The following UBE2L3 variants were observed in gnomAD, a reference collection of about 807,000 sequenced individuals.
UBE2L3 encodes the protein ubiquitin-conjugating enzyme E2 L3.
UBE2L3 carries 1 observed loss-of-function variant against 17.8 expected under a neutral mutation model. That is an observed-to-expected ratio of 0.06 (90% CI 0.02 to 0.27). The LOEUF (loss-of-function observed/expected upper bound fraction) is 0.27. Ranked by LOEUF, UBE2L3 falls within the 10% of genes least tolerant of loss-of-function variation. The pLI is 1.00. For synonymous variants in UBE2L3, 44 were observed against 68.5 expected (o/e 0.64, Z 1.76); for missense variants, 40 against 192.6 (o/e 0.21, Z 4.69).
At chr22:21,615,427 C>T (rs1000724505) in intron 3 of UBE2L3, among the ~76,000 whole-genome samples, 5 of 151,492 alleles carry the variant, frequency 3.3e-5, no homozygotes, top group African/African-American at 1.2e-4. Flanking sequence ...TGGTGGCAGG[C>T]GCCTGTAGTC....
Position 21,621,569 on chromosome 22 carries a change from G to A in UBE2L3, c.365G>A (p.Arg122Gln). The A allele has an allele frequency of 1.2e-6, 2 of 1,611,806 alleles. No individual in the cohort carries two copies. Among genetic ancestry groups the A allele is most frequent in the Non-Finnish European group, 8.5e-7 (1 of 1,179,804 alleles). ...GACCCCCAGCCTGAGCACCCGCTTCGGGCTGACCTAGCTGAAGAATACTCT... is the reference window on the plus strand; with the variant it reads ...GACCCCCAGCCTGAGCACCCGCTTCAGGCTGACCTAGCTGAAGAATACTCT... ...VNDPQPEHPL[R>Q]ADLAEEYSKD... The change falls in exon 4 of 4, where the codon CGG becomes CAG. Residue 122 changes from arginine (R) to glutamine (Q), a missense_variant. Physicochemically the swap from Arg to Gln is conservative, Grantham distance 43. Transcript: ENST00000342192.
intron 2 of UBE2L3, among the ~76,000 whole-genome samples, chr22:21,605,471 C>T (rs1231637998): frequency 6.6e-6 from 1 of 152,054 alleles, no homozygotes; most frequent in Non-Finnish European, 1.5e-5. Flanking sequence ...CCTGCCTCGG[C>T]CTTTTTTTAG....
chr22:21,572,292 G>A (rs1332210722), intron 1 of UBE2L3, among the ~76,000 whole-genome samples: 1 of 151,866 alleles, frequency 6.6e-6, no homozygotes, highest in African/African-American at 2.4e-5. Flanking sequence ...AAAATTAGCT[G>A]GGCGTGGTGG....
chr22:21,606,119 CA>C (rs1929145258), intron 2 of UBE2L3, among the ~76,000 whole-genome samples: 1 of 152,216 alleles, frequency 6.6e-6, no homozygotes, highest in Admixed American at 6.5e-5. Flanking sequence ...TAGGAAGAGG[CA>C]AAGTCTGAGG....
intron 2 of UBE2L3, among the ~76,000 whole-genome samples, chr22:21,606,854 A>G (rs1929202847): frequency 6.6e-6 from 1 of 152,054 alleles, no homozygotes; most frequent in Non-Finnish European, 1.5e-5. Flanking sequence ...ATATGCTGAC[A>G]GTGGTTTCAG....
chr22:21,605,905 G>T (rs758971185), intron 2 of UBE2L3, among the ~76,000 whole-genome samples: 2 of 152,192 alleles, frequency 1.3e-5, no homozygotes, highest in Non-Finnish European at 2.9e-5. Context: ...CTGGGCTCTT[G>T]TGATCCTCCT....
chr22:21,595,088 C>A (rs1928445735), intron 2 of UBE2L3, among the ~76,000 whole-genome samples: 1 of 152,184 alleles, frequency 6.6e-6, no homozygotes, highest in Admixed American at 6.5e-5. Context: ...TAAGATCTTA[C>A]TAGGGCAAAG....
chr22:21,605,579 C>T (rs957338446), intron 2 of UBE2L3, among the ~76,000 whole-genome samples: 2 of 152,130 alleles, frequency 1.3e-5, no homozygotes, highest in African/African-American at 2.4e-5. Flanking sequence ...AATCTCAGCT[C>T]ACCACAACCT....
chr22:21,604,782 A>G (rs1929059273), intron 2 of UBE2L3, among the ~76,000 whole-genome samples: 1 of 152,146 alleles, frequency 6.6e-6, no homozygotes, highest in Admixed American at 6.6e-5. Flanking sequence ...GGACAGGCAC[A>G]TAGTTTGTGT....
At chr22:21,595,290 A>C (rs1341726088) in intron 2 of UBE2L3, among the ~76,000 whole-genome samples, 3 of 152,172 alleles carry the variant, frequency 2.0e-5, no homozygotes, top group African/African-American at 7.2e-5. Flanking sequence ...TGTTTCAATG[A>C]AGTCTTCTTC....
chr22:21,569,926 C>T (rs1926865375), intron 1 of UBE2L3, among the ~76,000 whole-genome samples: 1 of 152,210 alleles, frequency 6.6e-6, no homozygotes, highest in South Asian at 2.1e-4. Context: ...TACTTGCTGT[C>T]TGATGTCCCT....
intron 1 of UBE2L3, among the ~76,000 whole-genome samples, chr22:21,575,049 G>A (rs943538145): frequency 6.6e-6 from 1 of 151,280 alleles, no homozygotes; most frequent in Non-Finnish European, 1.5e-5. Context: ...TTGAGGTCAG[G>A]AGTTCGAGAC....
At chr22:21,555,921 G>T (rs1422683342) in intron 1 of UBE2L3, among the ~76,000 whole-genome samples, 2 of 152,196 alleles carry the variant, frequency 1.3e-5, no homozygotes, top group East Asian at 3.9e-4. Flanking sequence ...AACAGAGAGA[G>T]ACTCCATCTC....
chr22:21,564,619 A>C (rs1926567747), upstream of UBE2L3, among the ~76,000 whole-genome samples: 1 of 152,202 alleles, frequency 6.6e-6, no homozygotes, highest in Non-Finnish European at 1.5e-5. Context: ...GGATGTAAGA[A>C]GATGCCATGG....
At chr22:21,575,873 C>T (rs1350501575) in intron 1 of UBE2L3, among the ~76,000 whole-genome samples, 1 of 151,752 alleles carries the variant, frequency 6.6e-6, no homozygotes, top group African/African-American at 2.4e-5. Context: ...AACTCCTGCC[C>T]TCAGGCGATC....
chr22:21,616,658 CAAAAAA>C (rs941408810), intron 3 of UBE2L3, among the ~76,000 whole-genome samples: 1 of 92,852 alleles, frequency 1.1e-5, no homozygotes, highest in African/African-American at 4.0e-5. Flanking sequence ...ACTCCATCTC[CAAAAAA>C]AAAAAAAAAA....
intron 1 of UBE2L3, among the ~76,000 whole-genome samples, chr22:21,577,248 G>A (rs1261572814): frequency 1.3e-5 from 2 of 152,050 alleles, no homozygotes; most frequent in African/African-American, 4.8e-5. Flanking sequence ...TATTACAGGC[G>A]TGAGCCACCG....
At chr22:21,562,198 CTT>C (rs1050849043) in intron 1 of UBE2L3, among the ~76,000 whole-genome samples, 3 of 133,334 alleles carry the variant, frequency 2.2e-5, no homozygotes, top group Non-Finnish European at 3.2e-5. Context: ...TTTTTTTTTT[CTT>C]TTTTTTTTTT....
At chr22:21,561,792 A>C (rs1190829905) in intron 1 of UBE2L3, among the ~76,000 whole-genome samples, 3 of 152,258 alleles carry the variant, frequency 2.0e-5, no homozygotes, top group Non-Finnish European at 4.4e-5. Context: ...ATGAGGCTTC[A>C]GGTAGTCAGA....
Sources: allele counts gnomAD v4.1 joint callset (sites outside exome capture counted in the v4.1 genomes callset), GRCh38; gene constraint gnomAD v4.1.1; transcripts MANE v1.5; gene names NCBI Gene and HGNC (gene_info 2026-07-23, HGNC 2026-07-21).